CTNNA1: variants seen among roughly 807,000 people sequenced by gnomAD.
CTNNA1 encodes the protein catenin alpha-1.
A neutral mutation model predicts 98.4 loss-of-function variants in CTNNA1; 37 were observed. That is an observed-to-expected ratio of 0.38 (90% CI 0.29 to 0.49). The LOEUF (loss-of-function observed/expected upper bound fraction) is 0.49. CTNNA1 is among the 20% of genes least tolerant of loss of function. The pLI, the probability that CTNNA1 is intolerant of heterozygous loss-of-function variation, is 0.95. For missense variants in CTNNA1, 761 were observed against 1,147.2 expected (o/e 0.66, Z 4.86); for synonymous variants, 404 against 413.2 (o/e 0.98, Z 0.27).
intron 10 of CTNNA1, among the ~76,000 whole-genome samples, chr5:138,910,231 T>C (rs900374824): frequency 6.0e-5 from 8 of 132,514 alleles, no homozygotes; most frequent in African/African-American, 2.0e-4. Context: ...CTTTTCTTTT[T>C]TTTTTTTTTT....
At position 138,824,596 on chromosome 5, in the gene CTNNA1, C is replaced by T. The variant is rs28363406; in HGVS notation, c.655C>T (p.Pro219Ser). Residue 219 changes from proline to serine, a missense_variant, in exon 6 of 18, where the codon CCG (proline) becomes TCG (serine). Physicochemically the swap from Pro to Ser is moderately conservative, Grantham distance 74 (BLOSUM62 -1). Around this residue, in one of 6 missense-constraint regions of CTNNA1, gnomAD observed 328 missense variants for 354.3 expected, o/e 0.93. Coordinates refer to ENST00000302763, the MANE Select transcript of CTNNA1 (RefSeq NM_001903.5). ...TAGAGGAATCCTGCAGAAGAACGTTCCGATCCTCTATACTGCATCCCAGGC... is the reference window on the plus strand; with the variant it reads ...TAGAGGAATCCTGCAGAAGAACGTTTCGATCCTCTATACTGCATCCCAGGC... ...AARGILQKNV[P>S]ILYTASQACL... 666 of 1,614,212 alleles carry T rather than the reference C, an allele frequency of 4.1e-4. 3 individuals are homozygous for T. The African/African-American group carries it at 7.5e-3, about 18-fold the overall frequency.
In CTNNA1 at chr5:138,788,787, T is replaced by C. The variant is rs150843567; in HGVS notation, c.301+5415T>C. 2.5e-3 allele frequency among the ~76,000 whole-genome samples: 377 copies of C among 152,298 alleles called. 1 individual carries two copies. The highest frequency in any genetic ancestry group is 8.8e-3 in the African/African-American group (365 of 41,564). On this transcript the variant is annotated intron_variant, in intron 3 of 17. Coordinates refer to ENST00000302763, the MANE Select transcript of CTNNA1 (RefSeq NM_001903.5). ...GAGAGATATTATGAACAGAGGCCCA[T>C]TAATGTTAAATTTGAAGTGGAGTGA...
intron 1 of CTNNA1, among the ~76,000 whole-genome samples, chr5:138,778,654 G>A (rs576682404): frequency 6.6e-6 from 1 of 152,266 alleles, no homozygotes; most frequent in East Asian, 1.9e-4. Flanking sequence ...ATTCTTGCCT[G>A]AGGCAATTAA....
Position 138,932,722 on chromosome 5 carries a change from A to C in CTNNA1, c.2433+10A>C. On this transcript the variant is annotated intron_variant, in intron 17 of 17. Transcript: ENST00000302763. ...GCTTGTTGTCTCTGGGGTAAGCATT[A>C]GCTGAACAAAAAGAGGGCCAGTGGG... is the stretch of plus-strand genomic sequence containing the variant. The C allele has an allele frequency of 6.2e-7, 1 of 1,614,010 alleles. No individual in the cohort carries two copies. Among genetic ancestry groups the C allele is most frequent in the Non-Finnish European group, 8.5e-7 (1 of 1,179,886 alleles).
At chr5:138,925,807 C>T (rs545608257) in intron 13 of CTNNA1, among the ~76,000 whole-genome samples, 48 of 152,178 alleles carry the variant, frequency 3.2e-4, no homozygotes, top group South Asian at 1.7e-3. Flanking sequence ...TGCAGGCAGA[C>T]GGGATGATGG....
chr5:138,934,622 C>T lies in CTNNA1; in HGVS notation c.*533C>T, dbSNP rs1420521137. On this transcript the variant is annotated 3_prime_UTR_variant, in exon 18 of 18. Transcript: ENST00000302763. ...TAATGTATCATGAAGAAAACTGATT[C>T]TCTATGACATGAAATGAAAATTTTA... 6.5e-6 allele frequency: 1 copy of T among 153,268 alleles called. No individual in the cohort carries two copies. The highest frequency in any genetic ancestry group is 1.5e-5 in the Non-Finnish European group (1 of 68,672). The allele number at this position is 153,268 out of a possible 1,614,324, so 9.5% of individuals were successfully genotyped here.
intron 3 of CTNNA1, among the ~76,000 whole-genome samples, chr5:138,808,051 T>G (rs544326027): frequency 6.6e-6 from 1 of 152,284 alleles, no homozygotes; most frequent in South Asian, 2.1e-4. Flanking sequence ...GTGCCCAGCC[T>G]AAGACATTAT....
intron 7 of CTNNA1, among the ~76,000 whole-genome samples, chr5:138,858,600 T>TTTTTC (rs1554090793): frequency 7.5e-5 from 2 of 26,606 alleles, no homozygotes; most frequent in African/African-American, 5.7e-4. Context: ...TTTTCTTTTT[T>TTTTTC]TTTTTTTTTT....
At chr5:138,835,960 T>G (rs1761732679) in intron 7 of CTNNA1, among the ~76,000 whole-genome samples, 1 of 152,162 alleles carries the variant, frequency 6.6e-6, no homozygotes, top group Non-Finnish European at 1.5e-5. Context: ...ATTTTCATGC[T>G]CCAGCCTCCC....
intron 5 of CTNNA1, among the ~76,000 whole-genome samples, chr5:138,824,160 C>T (rs1203301468): frequency 6.6e-6 from 1 of 151,986 alleles, no homozygotes; most frequent in African/African-American, 2.4e-5. Flanking sequence ...TAGTGCTGTG[C>T]TAAGTACTTT....
intron 1 of CTNNA1, among the ~76,000 whole-genome samples, chr5:138,759,465 A>G (rs1283890771): frequency 2.0e-5 from 3 of 152,194 alleles, no homozygotes; most frequent in Non-Finnish European, 4.4e-5. Context: ...CTAGCTCCTA[A>G]AGAGGAAAAA....
rs571400938 is a variant in CTNNA1, at chr5:138,837,590, TCTCTCTC to T, written c.1062+9891_1062+9897del. 3.6e-3 allele frequency among the ~76,000 whole-genome samples: 507 copies of T among 141,794 alleles called. 1 individual carries two copies. The highest frequency in any genetic ancestry group is 4.3e-3 in the African/African-American group (167 of 38,450). 93.0% of individuals were successfully genotyped at this position (141,794 alleles called of 152,430 possible). A position where few individuals can be genotyped will look rare whatever the true frequency, so the allele number is the denominator to read the frequency against. Reference sequence around the variant, plus strand: ...CTCTTCTCCTCTCTCCTCTCTCTTCTCTCTCTCCTCTCTCCTCTCTCCTCTTTTTGGT... The same window carrying T: ...CTCTTCTCCTCTCTCCTCTCTCTTCTCTCTCTCCTCTCTCCTCTTTTTGGT... On this transcript the variant is annotated intron_variant, in intron 7 of 17. Transcript: ENST00000302763.
chr5:138,812,271 A>G lies in CTNNA1; in HGVS notation c.557A>G (p.Lys186Arg), dbSNP rs1758900291. 3.7e-6 allele frequency: 6 copies of G among 1,613,922 alleles called. No homozygotes were observed. The highest frequency in any genetic ancestry group is 5.1e-6 in the Non-Finnish European group (6 of 1,179,910). ...QYKALKPEVDKLNIMAAKRQQ... is the reference protein window; with the variant it reads ...QYKALKPEVDRLNIMAAKRQQ... Reference sequence around the variant, plus strand: ...AAAGCCCTAAAACCTGAAGTGGATAAGCTGAACATTATGGCAGCCAAAAGA... The same window carrying G: ...AAAGCCCTAAAACCTGAAGTGGATAGGCTGAACATTATGGCAGCCAAAAGA... Residue 186 changes from lysine to arginine, a missense_variant, in exon 5 of 18, where the codon AAG becomes AGG. Around this residue, in one of 6 missense-constraint regions of CTNNA1, gnomAD observed 328 missense variants for 354.3 expected, o/e 0.93. Coordinates refer to ENST00000302763, the MANE Select transcript of CTNNA1 (RefSeq NM_001903.5).
intron 3 of CTNNA1, among the ~76,000 whole-genome samples, chr5:138,800,973 G>C (rs1226483466): frequency 6.6e-6 from 1 of 152,128 alleles, no homozygotes; most frequent in Non-Finnish European, 1.5e-5. Flanking sequence ...CTTTGTATTA[G>C]CTTCATGGTG....
intron 16 of CTNNA1, chr5:138,931,981 C>G: frequency 1.0e-6 from 1 of 985,412 alleles, no homozygotes; most frequent in Non-Finnish European, 1.2e-6. Flanking sequence ...AGATGTGGAG[C>G]GAGACAGGAA....
chr5:138,932,112 A>G, intron 16 of CTNNA1: 1 of 987,128 alleles, frequency 1.0e-6, no homozygotes, highest in South Asian at 4.7e-5. Context: ...AGGCATTAAT[A>G]ACGCAAAGTG....
intron 16 of CTNNA1, among the ~76,000 whole-genome samples, chr5:138,931,424 T>C (rs980853324): frequency 2.6e-5 from 4 of 152,258 alleles, no homozygotes; most frequent in Non-Finnish European, 5.9e-5. Context: ...TCTTTCTCAG[T>C]TACAGTTTTT....
intron 7 of CTNNA1, among the ~76,000 whole-genome samples, chr5:138,878,004 C>G (rs1752038470): frequency 6.6e-6 from 1 of 152,172 alleles, no homozygotes; most frequent in African/African-American, 2.4e-5. Context: ...TTTTAGTCTG[C>G]TTGGCCTACC....
At chr5:138,911,001 G>A (rs1360708014) in intron 10 of CTNNA1, among the ~76,000 whole-genome samples, 5 of 152,162 alleles carry the variant, frequency 3.3e-5, no homozygotes. Context: ...CACTTTGGGA[G>A]GCCAAGACAC....
Sources: gnomAD v4.1 joint callset for allele counts (sites outside exome capture counted in the v4.1 genomes callset) on GRCh38, gnomAD v4.1.1 for gene constraint, gnomAD v4.1.1 regional missense constraint, MANE v1.5 for transcripts, NCBI Gene and HGNC (gene_info 2026-07-23, HGNC 2026-07-21) for gene names.